The following PCBP3 variants were observed in gnomAD, a reference collection of about 807,000 sequenced individuals.
PCBP3 encodes the protein poly(rC)-binding protein 3.
Under a neutral mutation model 52.7 loss-of-function variants are expected in PCBP3, and 25 were observed. That is an observed-to-expected ratio of 0.47 (90% CI 0.35 to 0.66). PCBP3 has a LOEUF of 0.66. Among genes scored for constraint, PCBP3 ranks in the 30% least tolerant of loss-of-function variants. PCBP3 has a pLI of 0.01. For synonymous variants in PCBP3, 162 were observed against 183.0 expected, an observed-to-expected ratio of 0.89 and a Z score of 0.93; for missense variants, 391 against 490.3, an observed-to-expected ratio of 0.80 and a Z score of 1.91.
At chr21:45,657,363 A>G (rs181571742) in intron 1 of PCBP3, among the ~76,000 whole-genome samples, 3 of 152,256 alleles carry the variant, frequency 2.0e-5, no homozygotes, top group Admixed American at 6.5e-5. Flanking sequence ...GTTTAACTTC[A>G]TTCTTCTGCC....
intron 1 of PCBP3, among the ~76,000 whole-genome samples, chr21:45,665,845 T>C (rs145697317): frequency 1.3e-5 from 2 of 152,258 alleles, no homozygotes; most frequent in African/African-American, 4.8e-5. Flanking sequence ...CCAATATCAT[T>C]GATGAAAATA....
intron 6 of PCBP3, among the ~76,000 whole-genome samples, chr21:45,899,167 C>T (rs1307438768): frequency 2.0e-5 from 3 of 152,260 alleles, no homozygotes; most frequent in Non-Finnish European, 4.4e-5. Context: ...AACAGGCTGC[C>T]GTTGGAATAG....
chr21:45,703,634 T>C (rs1340939528), intron 2 of PCBP3, among the ~76,000 whole-genome samples: 2 of 151,996 alleles, frequency 1.3e-5, no homozygotes, highest in African/African-American at 4.8e-5. Context: ...AGCAATGACA[T>C]GAATAGACTT....
chr21:45,802,164 T>C lies in PCBP3; in HGVS notation c.-126+46712T>C, dbSNP rs1313617826. 6.6e-6 allele frequency among the ~76,000 whole-genome samples: 1 copy of C among 152,232 alleles called. No homozygotes were observed. Among genetic ancestry groups the C allele is most frequent in the Non-Finnish European group, 1.5e-5 (1 of 68,042 alleles). On this transcript the variant is annotated intron_variant, in intron 4 of 17. Transcript: ENST00000681687. This position sits in a 1 kb window ranked among gnomAD's most constrained non-coding sequence, Gnocchi z 5.1. ...AGAGGCCTTGGCCCAGTGCAAGCTC[T>C]TTCTGCCCACATTCTCCTGGTAGCG...
intron 4 of PCBP3, among the ~76,000 whole-genome samples, chr21:45,841,097 T>C (rs769506317): frequency 1.4e-4 from 22 of 152,230 alleles, no homozygotes; most frequent in African/African-American, 1.7e-4. Flanking sequence ...GTGTCAGCTC[T>C]CTCACCTAGG....
chr21:45,818,397 A>G (rs1569266158), intron 4 of PCBP3, among the ~76,000 whole-genome samples: 1 of 152,196 alleles, frequency 6.6e-6, no homozygotes, highest in African/African-American at 2.4e-5. Context: ...ACAAGTGTCC[A>G]GTGACACGTG....
chr21:45,867,913 G>A (rs1456859220), intron 5 of PCBP3, among the ~76,000 whole-genome samples: 1 of 152,266 alleles, frequency 6.6e-6, no homozygotes, highest in Non-Finnish European at 1.5e-5. Context: ...CAGCGCCGTC[G>A]CACACACAGC....
chr21:45,912,809 A>G lies in PCBP3; in HGVS notation c.601-1142A>G, dbSNP rs527756164. On this transcript the variant is annotated intron_variant, in intron 11 of 17. Coordinates refer to ENST00000681687, the MANE Select transcript of PCBP3 (RefSeq NM_001384156.1). ...GCAGCGGCTCCCGTCTACCTCAGTCAGTTCCTCCCACCCCAGGCCCAGCTC... is the reference window on the plus strand; with the variant it reads ...GCAGCGGCTCCCGTCTACCTCAGTCGGTTCCTCCCACCCCAGGCCCAGCTC... 1.6e-3 allele frequency among the ~76,000 whole-genome samples: 242 copies of G among 152,242 alleles called. 1 individual carries two copies. Among genetic ancestry groups the G allele is most frequent in the Middle Eastern group, 6.8e-3 (2 of 294 alleles).
intron 9 of PCBP3, among the ~76,000 whole-genome samples, chr21:45,907,289 C>CCAG (rs1194334110): frequency 6.6e-5 from 10 of 152,232 alleles, no homozygotes; most frequent in African/African-American, 2.4e-4. Flanking sequence ...TCAGTGTGTT[C>CCAG]TGCCAGTGGC....
chr21:45,888,398 G>C (rs1435514018), intron 5 of PCBP3, among the ~76,000 whole-genome samples: 4 of 152,184 alleles, frequency 2.6e-5, no homozygotes, highest in Admixed American at 6.5e-5. Flanking sequence ...TGCATTTATG[G>C]GTGCCCGCGG....
At chr21:45,743,343 C>T (rs890932134) in intron 3 of PCBP3, among the ~76,000 whole-genome samples, 1 of 152,210 alleles carries the variant, frequency 6.6e-6, no homozygotes, top group African/African-American at 2.4e-5. Context: ...AGTATGCTCC[C>T]TGTAGCTCTC....
chr21:45,828,159 G>C (rs1049618942), intron 4 of PCBP3: 2 of 152,244 alleles, frequency 1.3e-5, no homozygotes, highest in African/African-American at 4.8e-5. Flanking sequence ...AAGACTTCAG[G>C]GGGTGGGAAG....
intron 5 of PCBP3, among the ~76,000 whole-genome samples, chr21:45,895,254 T>C (rs1465328890): frequency 6.6e-6 from 1 of 152,266 alleles, no homozygotes; most frequent in Non-Finnish European, 1.5e-5. Flanking sequence ...CCCTCTGCCC[T>C]GACTTTTAAC....
intron 5 of PCBP3, among the ~76,000 whole-genome samples, chr21:45,852,749 C>T (rs564668493): frequency 9.2e-5 from 14 of 152,052 alleles, no homozygotes; most frequent in Non-Finnish European, 1.8e-4. Context: ...GCCACCGTGA[C>T]TTTTGTTCAG....
chr21:45,872,508 C>T (rs1176078311), intron 5 of PCBP3: 1 of 152,272 alleles, frequency 6.6e-6, no homozygotes, highest in Non-Finnish European at 1.5e-5. Flanking sequence ...TTTACCTTCC[C>T]TGAGCTGTTT....
chr21:45,870,229 T>C (rs928968250), intron 5 of PCBP3, among the ~76,000 whole-genome samples: 1 of 152,204 alleles, frequency 6.6e-6, no homozygotes, highest in African/African-American at 2.4e-5. Context: ...AGATTCTTAA[T>C]GGTTTTAGTT....
intron 1 of PCBP3, among the ~76,000 whole-genome samples, chr21:45,646,663 T>C (rs972446345): frequency 2.0e-5 from 3 of 152,242 alleles, no homozygotes; most frequent in East Asian, 1.9e-4. Flanking sequence ...CTTGATCCAA[T>C]CACCTCTTAA....
At position 45,800,161 on chromosome 21, in the gene PCBP3, G is replaced by A. The variant is rs758358590; in HGVS notation, c.-126+44709G>A. Among the ~76,000 whole-genome samples the A allele has an allele frequency of 1.3e-5, 2 of 152,152 alleles. No individual in the cohort carries two copies. Among genetic ancestry groups the A allele is most frequent in the African/African-American group, 2.4e-5 (1 of 41,442 alleles). On this transcript the variant is annotated intron_variant, in intron 4 of 17. Coordinates refer to ENST00000681687, the MANE Select transcript of PCBP3 (RefSeq NM_001384156.1). This position sits in a 1 kb window ranked among gnomAD's most constrained non-coding sequence, Gnocchi z 5.3. ...GCAGGAGCACAGAGTAATGGCTGCA[G>A]GTGGGGCCTTCCAGAGGCACAGGCT...
intron 4 of PCBP3, among the ~76,000 whole-genome samples, chr21:45,784,391 T>TCTACCTCTACCTCTACCG (rs1555934239): frequency 3.5e-5 from 4 of 113,246 alleles, no homozygotes; most frequent in East Asian, 2.7e-4. Flanking sequence ...TACCTCTACC[T>TCTACCTCTACCTCTACCG]CTACCGCTAC....
Sources: allele counts gnomAD v4.1 joint callset (sites outside exome capture counted in the v4.1 genomes callset), GRCh38; gene constraint gnomAD v4.1.1; non-coding constraint Gnocchi (gnomAD v3.1); transcripts MANE v1.5; gene names NCBI Gene and HGNC (gene_info 2026-07-23, HGNC 2026-07-21).